Variants in MACROD2 observed in about 807,000 individuals in gnomAD.
MACROD2 encodes the protein ADP-ribose glycohydrolase MACROD2.
MACROD2 carries 36 observed loss-of-function variants against 70.4 expected under a neutral mutation model. The observed-to-expected ratio is 0.51, with a 90% confidence interval of 0.39 to 0.68. MACROD2 has a LOEUF of 0.68. Ranked by LOEUF, MACROD2 falls within the 30% of genes least tolerant of loss-of-function variation. The pLI is 0.00. For synonymous variants in MACROD2, 172 were observed against 178.8 expected, an observed-to-expected ratio of 0.96 and a Z score of 0.30; for missense variants, 496 against 538.4, an observed-to-expected ratio of 0.92 and a Z score of 0.78.
chr20:15,536,744 C>T (rs1568875860), intron 8 of MACROD2, among the ~76,000 whole-genome samples: 1 of 152,068 alleles, frequency 6.6e-6, no homozygotes, highest in Admixed American at 6.6e-5. Flanking sequence ...CTCTTCGGTG[C>T]GTTTCTGGTG....
intron 8 of MACROD2, among the ~76,000 whole-genome samples, chr20:15,562,604 T>G (rs1454245039): frequency 1.3e-5 from 2 of 152,180 alleles, no homozygotes; most frequent in Non-Finnish European, 2.9e-5. Flanking sequence ...TAAAGGTGAT[T>G]TGTTCTAAAT....
At chr20:14,180,018 C>T (rs1359421853) in intron 3 of MACROD2, among the ~76,000 whole-genome samples, 3 of 152,160 alleles carry the variant, frequency 2.0e-5, no homozygotes, top group Non-Finnish European at 4.4e-5. Flanking sequence ...TCACCACTTT[C>T]CATCTCCAGA....
chr20:14,656,721 T>C (rs1237003969), intron 4 of MACROD2, among the ~76,000 whole-genome samples: 1 of 152,192 alleles, frequency 6.6e-6, no homozygotes, highest in African/African-American at 2.4e-5. Flanking sequence ...CAGTGACTAT[T>C]CCAGTTGATA....
At chr20:15,194,020 C>T (rs1189457340) in intron 5 of MACROD2, among the ~76,000 whole-genome samples, 1 of 151,740 alleles carries the variant, frequency 6.6e-6, no homozygotes, top group African/African-American at 2.4e-5. Context: ...CCAAGGCAGG[C>T]AGATCACCTG....
intron 9 of MACROD2, among the ~76,000 whole-genome samples, chr20:15,876,736 T>C (rs1260686770): frequency 6.6e-6 from 1 of 152,156 alleles, no homozygotes; most frequent in African/African-American, 2.4e-5. Context: ...ACCAACAGTG[T>C]AAAAGCGTTC....
At chr20:14,723,194 A>G (rs1329547599) in intron 5 of MACROD2, among the ~76,000 whole-genome samples, 2 of 152,150 alleles carry the variant, frequency 1.3e-5, no homozygotes, top group Non-Finnish European at 2.9e-5. Context: ...TGGAAAGACT[A>G]TTATTGAGCT....
intron 8 of MACROD2, among the ~76,000 whole-genome samples, chr20:15,670,719 T>C (rs937506487): frequency 6.6e-6 from 1 of 152,194 alleles, no homozygotes; most frequent in Non-Finnish European, 1.5e-5. Flanking sequence ...AGTCCTCTGT[T>C]CCTTTTTAGT....
At chr20:15,819,483 A>T (rs929346302) in intron 8 of MACROD2, among the ~76,000 whole-genome samples, 2 of 146,160 alleles carry the variant, frequency 1.4e-5, no homozygotes, top group South Asian at 4.2e-4. Context: ...ATATATAGTT[A>T]TATTGATATA....
chr20:15,386,930 A>G (rs1271417203), intron 6 of MACROD2, among the ~76,000 whole-genome samples: 2 of 152,216 alleles, frequency 1.3e-5, no homozygotes, highest in Admixed American at 1.3e-4. Flanking sequence ...CCTGACAGAA[A>G]ACCTCATTTT....
intron 5 of MACROD2, among the ~76,000 whole-genome samples, chr20:14,901,015 T>C (rs1260387623): frequency 6.6e-6 from 1 of 152,090 alleles, no homozygotes; most frequent in Non-Finnish European, 1.5e-5. Context: ...AATGAGTAGA[T>C]ATACTGCAAG....
Position 15,089,177 on chromosome 20 carries a change from A to G in MACROD2, c.419-140763A>G, listed in dbSNP as rs551549336. ...CAAAGATCTGTCATTCTATGAAAGT[A>G]TTGACTTAGAGTAGTCCCAACTAGG... On this transcript the variant is annotated intron_variant, in intron 5 of 17. Coordinates refer to ENST00000684519, the MANE Select transcript of MACROD2 (RefSeq NM_001351661.2). 7.9e-5 allele frequency among the ~76,000 whole-genome samples: 12 copies of G among 152,282 alleles called. 1 individual carries two copies. In the South Asian group the frequency reaches 2.5e-3, roughly 32 times the overall value.
At chr20:14,856,464 G>C (rs952979813) in intron 5 of MACROD2, among the ~76,000 whole-genome samples, 2 of 152,112 alleles carry the variant, frequency 1.3e-5, no homozygotes, top group Non-Finnish European at 2.9e-5. Context: ...ACGCCCTATT[G>C]AATTTGTGTC....
intron 3 of MACROD2, among the ~76,000 whole-genome samples, chr20:14,244,076 CT>C (rs1427439723): frequency 6.6e-6 from 1 of 152,172 alleles, no homozygotes; most frequent in Non-Finnish European, 1.5e-5. Flanking sequence ...TATGTCTAGG[CT>C]TCTTTCTAAG....
intron 4 of MACROD2, among the ~76,000 whole-genome samples, chr20:14,630,280 T>A (rs1039773075): frequency 1.3e-5 from 2 of 152,188 alleles, no homozygotes; most frequent in East Asian, 3.8e-4. Context: ...GAGAAATTTT[T>A]CATAGGCAGC....
At chr20:14,250,898 A>C (rs1444825485) in intron 3 of MACROD2, among the ~76,000 whole-genome samples, 2 of 152,134 alleles carry the variant, frequency 1.3e-5, no homozygotes, top group Non-Finnish European at 2.9e-5. Flanking sequence ...TTGCATTGCT[A>C]TTTAAAGATT....
At chr20:14,692,687 C>T (rs936671633) in intron 5 of MACROD2, among the ~76,000 whole-genome samples, 2 of 152,196 alleles carry the variant, frequency 1.3e-5, no homozygotes, top group Non-Finnish European at 2.9e-5. Context: ...AGAGCTAGTA[C>T]TCCTGCTGCT....
intron 4 of MACROD2, among the ~76,000 whole-genome samples, chr20:14,519,879 G>A (rs930440775): frequency 1.9e-4 from 29 of 152,150 alleles, no homozygotes; most frequent in Non-Finnish European, 3.4e-4. Context: ...GGCATACTAT[G>A]CAGCCATAAA....
chr20:15,207,245 G>C (rs913189047), intron 5 of MACROD2, among the ~76,000 whole-genome samples: 11 of 152,072 alleles, frequency 7.2e-5, no homozygotes, highest in Middle Eastern at 6.8e-3. Context: ...GGTAGGTCTG[G>C]TCTGCTCATG....
intron 6 of MACROD2, among the ~76,000 whole-genome samples, chr20:15,415,089 T>C (rs1306376984): frequency 6.6e-6 from 1 of 152,166 alleles, no homozygotes; most frequent in Non-Finnish European, 1.5e-5. Context: ...TTAGAACAAA[T>C]AACTACAGGG....
Sources: allele counts gnomAD v4.1 joint callset (sites outside exome capture counted in the v4.1 genomes callset), GRCh38; gene constraint gnomAD v4.1.1; transcripts MANE v1.5; gene names NCBI Gene and HGNC (gene_info 2026-07-23, HGNC 2026-07-21).